SLAMF6: variants seen among roughly 807,000 people sequenced by gnomAD.
The protein encoded by SLAMF6 is SLAM family member 6.
A neutral mutation model predicts 38.3 loss-of-function variants in SLAMF6; 21 were observed. The observed-to-expected ratio is 0.55, with a 90% confidence interval of 0.39 to 0.79. SLAMF6 has a LOEUF of 0.79. Among genes scored for constraint, SLAMF6 ranks in the 30% least tolerant of loss-of-function variants. The pLI is 0.00. For synonymous variants in SLAMF6, 152 were observed against 146.3 expected (o/e 1.04, Z -0.28); for missense variants, 341 against 385.3 (o/e 0.89, Z 0.96).
At chr1:160,504,899 AG>A in intron 1 of SLAMF6, among the ~76,000 whole-genome samples, 1 of 152,218 alleles carries the variant, frequency 6.6e-6, no homozygotes, top group African/African-American at 2.4e-5. Context: ...GAAGACTCTA[AG>A]ATTTTATCTA....
At chr1:160,513,957 A>G (rs749388413) in intron 1 of SLAMF6, among the ~76,000 whole-genome samples, 7 of 152,212 alleles carry the variant, frequency 4.6e-5, no homozygotes, top group South Asian at 2.1e-4. Flanking sequence ...CAACTACATC[A>G]ATAAGTCTGC....
rs201532566 is a variant in SLAMF6, at chr1:160,496,144, T to G, written c.299A>C (p.Lys100Thr). Residue 100 changes from lysine (K) to threonine (T), a missense_variant, in exon 2 of 8, where the codon AAG (lysine) becomes ACG (threonine). Physicochemically the swap from Lys to Thr is moderately conservative, Grantham distance 78. Transcript: ENST00000368057. ...QSYSLQLSNLKMEDTGSYRAQ... is the reference protein window; with the variant it reads ...QSYSLQLSNLTMEDTGSYRAQ... Reference sequence around the variant, plus strand: ...TCTGTAAGAGCCTGTGTCTTCCATCTTCAGGTTGCTGAGTTGCAGGGAGTA... The same window carrying G: ...TCTGTAAGAGCCTGTGTCTTCCATCGTCAGGTTGCTGAGTTGCAGGGAGTA... 1.0e-4 allele frequency: 164 copies of G among 1,614,016 alleles called. No homozygotes were observed. The highest frequency in any genetic ancestry group is 1.4e-4 in the Non-Finnish European group (161 of 1,179,928).
At chr1:160,513,773 G>A (rs899480762) in intron 1 of SLAMF6, among the ~76,000 whole-genome samples, 22 of 152,152 alleles carry the variant, frequency 1.4e-4, no homozygotes, top group African/African-American at 5.1e-4. Flanking sequence ...AGCTTCATAA[G>A]CAAAGGAGAA....
intron 1 of SLAMF6, among the ~76,000 whole-genome samples, chr1:160,505,137 C>T (rs755742868): frequency 6.6e-6 from 1 of 151,956 alleles, no homozygotes; most frequent in Non-Finnish European, 1.5e-5. Context: ...CTACATGTGA[C>T]AAATAATATG....
At chr1:160,490,307 A>T in intron 4 of SLAMF6, 71 bp from the exon 5 acceptor site, 1 of 1,607,442 alleles carries the variant, frequency 6.2e-7, no homozygotes, top group African/African-American at 1.3e-5. Flanking sequence ...TAACCCCGTG[A>T]GTGTTGGGAT....
At chr1:160,489,510 G>A (rs1653158531) in intron 5 of SLAMF6, among the ~76,000 whole-genome samples, 1 of 152,138 alleles carries the variant, frequency 6.6e-6, no homozygotes, top group Non-Finnish European at 1.5e-5. Context: ...CAAACATAAT[G>A]GAGCCAGTTA....
At chr1:160,492,460 A>G (rs1203868983) in intron 2 of SLAMF6, among the ~76,000 whole-genome samples, 1 of 152,190 alleles carries the variant, frequency 6.6e-6, no homozygotes, top group Non-Finnish European at 1.5e-5. Context: ...CCTTATCTGT[A>G]AGACCAGGTA....
intron 1 of SLAMF6, among the ~76,000 whole-genome samples, chr1:160,498,310 A>C (rs1258169911): frequency 3.9e-5 from 6 of 152,046 alleles, no homozygotes; most frequent in Admixed American, 2.0e-4. Context: ...AATGGCTATT[A>C]TTAAAAAGTC....
intron 6 of SLAMF6, among the ~76,000 whole-genome samples, chr1:160,488,800 C>T (rs535442884): frequency 2.2e-4 from 34 of 152,164 alleles, no homozygotes; most frequent in African/African-American, 7.2e-4. Flanking sequence ...GAGAGGAAGA[C>T]ATAATTTGTA....
chr1:160,506,640 A>C (rs1429917207), intron 1 of SLAMF6, among the ~76,000 whole-genome samples: 1 of 152,178 alleles, frequency 6.6e-6, no homozygotes, highest in Non-Finnish European at 1.5e-5. Flanking sequence ...GTATTCTTGC[A>C]TTTTTGCTTT....
At position 160,485,660 on chromosome 1, in the gene SLAMF6, G is replaced by A. The variant is rs1652927443; in HGVS notation, c.*1047C>T. 1 of 152,432 alleles carries A rather than the reference G, an allele frequency of 6.6e-6. No homozygotes were observed. The highest frequency in any genetic ancestry group is 2.1e-4 in the South Asian group (1 of 4,824). 9.4% of individuals were successfully genotyped at this position (152,432 alleles called of 1,614,324 possible). On this transcript the variant is annotated 3_prime_UTR_variant, in exon 8 of 8. Coordinates refer to ENST00000368057, the MANE Select transcript of SLAMF6 (RefSeq NM_001184714.2). ...CCTGCAGGGTTTTAAGCAGGAAACT[G>A]AAGGATCCAATTTATATTAAAAACA... is the stretch of plus-strand genomic sequence containing the variant.
chr1:160,486,893 TAAA>T, intron 7 of SLAMF6, 139 bp from the exon 8 acceptor site: 1 of 1,042,112 alleles, frequency 9.6e-7, no homozygotes, highest in Non-Finnish European at 1.4e-6. Flanking sequence ...GGATTAAATT[TAAA>T]AACATGTAAT....
chr1:160,511,882 C>G (rs1557947505), intron 1 of SLAMF6, among the ~76,000 whole-genome samples: 1 of 152,188 alleles, frequency 6.6e-6, no homozygotes, highest in Non-Finnish European at 1.5e-5. Flanking sequence ...GGTGGAACAA[C>G]AGCCCACCTG....
chr1:160,487,311 G>A lies in SLAMF6; in HGVS notation c.880-136C>T. ...CCAGAGGAAGGCTGGGGAATGTTCA[G>A]TGGAAGACCAAGCACGACTAGCTAT... On this transcript the variant is annotated intron_variant, in intron 6 of 7. Transcript: ENST00000368057. 6 of 745,974 alleles carry A rather than the reference G, an allele frequency of 8.0e-6. No individual in the cohort carries two copies. The South Asian group carries it at 1.1e-4, about 14-fold the overall frequency. 46.2% of individuals were successfully genotyped at this position (745,974 alleles called of 1,614,324 possible).
chr1:160,499,850 T>C (rs1308259293), intron 1 of SLAMF6, among the ~76,000 whole-genome samples: 1 of 152,224 alleles, frequency 6.6e-6, no homozygotes, highest in Non-Finnish European at 1.5e-5. Context: ...ACATGAACAT[T>C]GCTGTCATCA....
At chr1:160,507,596 C>T (rs1654256397) in intron 1 of SLAMF6, among the ~76,000 whole-genome samples, 1 of 152,076 alleles carries the variant, frequency 6.6e-6, no homozygotes, top group African/African-American at 2.4e-5. Flanking sequence ...ACATTTTCCT[C>T]AAATGCACAT....
At chr1:160,519,497 T>C (rs967114513) in intron 1 of SLAMF6, among the ~76,000 whole-genome samples, 1 of 152,162 alleles carries the variant, frequency 6.6e-6, no homozygotes, top group Non-Finnish European at 1.5e-5. Flanking sequence ...CAAATACTTG[T>C]ACACATAGCA....
At chr1:160,508,813 GA>G (rs146032588) in intron 1 of SLAMF6, among the ~76,000 whole-genome samples, 128,636 of 151,118 alleles carry the variant, frequency 0.85, 55,326 homozygotes, top group Non-Finnish European at 0.93. Flanking sequence ...AAATTTACAA[GA>G]AAAAAAAAAT....
chr1:160,522,307 G>A (rs373966281), intron 1 of SLAMF6, among the ~76,000 whole-genome samples: 65 of 152,238 alleles, frequency 4.3e-4, no homozygotes, highest in African/African-American at 1.3e-3. Flanking sequence ...GACTCATAAC[G>A]TGTGTACAGC....
Sources: allele counts gnomAD v4.1 joint callset (sites outside exome capture counted in the v4.1 genomes callset), GRCh38; gene constraint gnomAD v4.1.1; transcripts MANE v1.5; gene names NCBI Gene and HGNC (gene_info 2026-07-23, HGNC 2026-07-21).